ZNF385D: variants seen among roughly 807,000 people sequenced by gnomAD.
The protein encoded by ZNF385D is zinc finger protein 385D.
Under a neutral mutation model 35.8 loss-of-function variants are expected in ZNF385D, and 15 were observed. The observed-to-expected ratio is 0.42, with a 90% CI of 0.28 to 0.64. The LOEUF (loss-of-function observed/expected upper bound fraction) is 0.64. Ranked by LOEUF, ZNF385D falls within the 30% of genes least tolerant of loss-of-function variation. The pLI, the probability that ZNF385D is intolerant of heterozygous loss-of-function variation, is 0.23. For synonymous variants in ZNF385D, 212 were observed against 186.8 expected (o/e 1.13, Z -1.10); for missense variants, 474 against 494.6 (o/e 0.96, Z 0.39).
chr3:21,606,603 C>G (rs1394804989), intron 2 of ZNF385D, among the ~76,000 whole-genome samples: 3 of 152,192 alleles, frequency 2.0e-5, no homozygotes, highest in Admixed American at 1.3e-4. Context: ...GCCAGGTCTC[C>G]TAACTCCCAG....
At chr3:21,547,179 C>A (rs1384592335) in intron 3 of ZNF385D, among the ~76,000 whole-genome samples, 1 of 152,152 alleles carries the variant, frequency 6.6e-6, no homozygotes, top group Non-Finnish European at 1.5e-5. Context: ...TCAGATGAAG[C>A]CTCCAAACTG....
At chr3:21,487,127 T>C (rs567160184) in intron 4 of ZNF385D, among the ~76,000 whole-genome samples, 73 of 152,284 alleles carry the variant, frequency 4.8e-4, no homozygotes, top group Middle Eastern at 3.4e-3. Flanking sequence ...GCCATTAGAA[T>C]AAGGCTTTTC....
intron 2 of ZNF385D, among the ~76,000 whole-genome samples, chr3:22,274,786 T>C (rs1575011209): frequency 2.4e-5 from 1 of 41,038 alleles, no homozygotes; most frequent in Non-Finnish European, 4.3e-5. Context: ...AGTTAGTACT[T>C]TTTTTTTTTT....
intron 3 of ZNF385D, among the ~76,000 whole-genome samples, chr3:21,786,125 T>G (rs767945405): frequency 3.3e-5 from 5 of 152,150 alleles, no homozygotes; most frequent in South Asian, 2.1e-4. Context: ...GTTCATAAAC[T>G]GTTCAACATC....
chr3:22,329,683 T>G (rs1331375530), intron 2 of ZNF385D, among the ~76,000 whole-genome samples: 1 of 152,186 alleles, frequency 6.6e-6, no homozygotes, highest in African/African-American at 2.4e-5. Context: ...ATTATATAGA[T>G]CAACACTGTC....
At chr3:21,580,334 T>C (rs941156941) in intron 2 of ZNF385D, among the ~76,000 whole-genome samples, 1 of 152,128 alleles carries the variant, frequency 6.6e-6, no homozygotes, top group Non-Finnish European at 1.5e-5. Flanking sequence ...TTGAAATAAG[T>C]AGTGTACCAA....
chr3:21,610,091 T>G (rs2125786792), intron 2 of ZNF385D, among the ~76,000 whole-genome samples: 1 of 152,198 alleles, frequency 6.6e-6, no homozygotes, highest in East Asian at 1.9e-4. Context: ...AGCCTTGCTT[T>G]ATTTCAAAGA....
At chr3:22,044,748 T>C (rs1576218258) in intron 3 of ZNF385D, among the ~76,000 whole-genome samples, 1 of 150,312 alleles carries the variant, frequency 6.7e-6, no homozygotes, top group Non-Finnish European at 1.5e-5. Context: ...GGCAGGCTAG[T>C]GGTGGGAGTC....
chr3:21,425,820 T>C (rs1165472530), intron 5 of ZNF385D, 150 bp from the exon 6 acceptor site: 1 of 608,228 alleles, frequency 1.6e-6, no homozygotes, highest in Non-Finnish European at 2.6e-6. Flanking sequence ...TTTAGTGCAG[T>C]TTTTCCTGGC....
At chr3:21,711,207 A>G (rs981673568) in intron 1 of ZNF385D, among the ~76,000 whole-genome samples, 20 of 151,438 alleles carry the variant, frequency 1.3e-4, no homozygotes, top group African/African-American at 4.8e-4. Flanking sequence ...ACGCCCGGCT[A>G]ATTTTTGGTA....
chr3:22,191,899 G>A (rs1364042214), intron 2 of ZNF385D, among the ~76,000 whole-genome samples: 1 of 117,280 alleles, frequency 8.5e-6, no homozygotes, highest in Admixed American at 7.7e-5. Context: ...ATAACTCTGA[G>A]GTACCAATCT....
At chr3:21,546,876 C>G (rs1306338910) in intron 3 of ZNF385D, among the ~76,000 whole-genome samples, 1 of 151,918 alleles carries the variant, frequency 6.6e-6, no homozygotes, top group African/African-American at 2.4e-5. Context: ...TTTGCACTCA[C>G]GGTGGTGCCT....
intron 3 of ZNF385D, among the ~76,000 whole-genome samples, chr3:22,153,970 C>T (rs1287313345): frequency 6.6e-6 from 1 of 152,116 alleles, no homozygotes; most frequent in East Asian, 1.9e-4. Context: ...CACATGTTCC[C>T]ATTTAGATAA....
intron 2 of ZNF385D, among the ~76,000 whole-genome samples, chr3:22,212,243 C>T (rs1259057826): frequency 1.3e-5 from 2 of 151,994 alleles, no homozygotes; most frequent in African/African-American, 4.8e-5. Context: ...CCTCATCCCA[C>T]CTCCTTATCA....
In ZNF385D at chr3:21,687,622, C is replaced by T. The variant is rs182893385; in HGVS notation, c.23-22594G>A. On this transcript the variant is annotated intron_variant, in intron 1 of 7. Coordinates refer to ENST00000281523, the MANE Select transcript of ZNF385D (RefSeq NM_024697.3). Reference sequence around the variant, plus strand: ...TTACATTAAGGTTTACATTAAGGCTCACTCTTGGTGTTGTACATTCCCTGG... The same window carrying T: ...TTACATTAAGGTTTACATTAAGGCTTACTCTTGGTGTTGTACATTCCCTGG... Among the ~76,000 whole-genome samples the T allele has an allele frequency of 2.7e-3, 404 of 152,218 alleles. 4 individuals carry two copies. Among genetic ancestry groups the T allele is most frequent in the Non-Finnish European group, 3.4e-3 (234 of 68,022 alleles).
intron 3 of ZNF385D, among the ~76,000 whole-genome samples, chr3:22,082,021 T>C (rs577300959): frequency 6.6e-6 from 1 of 151,286 alleles, no homozygotes; most frequent in Non-Finnish European, 1.5e-5. Flanking sequence ...GCTTGTTTAA[T>C]ATTTTTAATT....
intron 3 of ZNF385D, among the ~76,000 whole-genome samples, chr3:21,987,121 C>G (rs1694850812): frequency 7.9e-6 from 1 of 125,886 alleles, no homozygotes; most frequent in African/African-American, 3.4e-5. Flanking sequence ...ACTCTTTATC[C>G]AACTTGCCAG....
At chr3:21,685,965 C>T (rs1359755773) in intron 1 of ZNF385D, among the ~76,000 whole-genome samples, 1 of 152,060 alleles carries the variant, frequency 6.6e-6, no homozygotes, top group African/African-American at 2.4e-5. Flanking sequence ...AGAAAGAGAA[C>T]AATGGTGAAA....
chr3:21,897,047 T>C (rs1246745622), intron 3 of ZNF385D, among the ~76,000 whole-genome samples: 1 of 152,172 alleles, frequency 6.6e-6, no homozygotes, highest in Non-Finnish European at 1.5e-5. Context: ...AAATAGCTAC[T>C]GCTGACGTTA....
Sources: allele counts gnomAD v4.1 joint callset (sites outside exome capture counted in the v4.1 genomes callset), GRCh38; gene constraint gnomAD v4.1.1; transcripts MANE v1.5; gene names NCBI Gene and HGNC (gene_info 2026-07-23, HGNC 2026-07-21).